LHFPL3: variants seen among roughly 807,000 people sequenced by gnomAD.
LHFPL3 encodes the protein LHFPL tetraspan subfamily member 3 protein.
In LHFPL3, 5 loss-of-function variants were observed where a neutral mutation model predicts 19.3. The observed-to-expected ratio is 0.26, with a 90% confidence interval of 0.14 to 0.54. The LOEUF is 0.54. LHFPL3 is among the 20% of genes least tolerant of loss of function. LHFPL3 has a pLI of 0.94. For missense variants in LHFPL3, 249 were observed against 307.4 expected (o/e 0.81, Z 1.42); for synonymous variants, 133 against 126.2 (o/e 1.05, Z -0.36).
chr7:104,500,163 C>A (rs1793573269), intron 1 of LHFPL3, among the ~76,000 whole-genome samples: 1 of 152,146 alleles, frequency 6.6e-6, no homozygotes, highest in African/African-American at 2.4e-5. Context: ...CAACCCTAAG[C>A]CTTTCGTTTT....
intron 1 of LHFPL3, among the ~76,000 whole-genome samples, chr7:104,338,169 G>T (rs1354641208): frequency 7.8e-6 from 1 of 128,720 alleles, no homozygotes; most frequent in African/African-American, 3.0e-5. Context: ...CGCGATCTCA[G>T]CCCACTGCAA....
chr7:104,620,857 A>C (rs1791431870), intron 1 of LHFPL3, among the ~76,000 whole-genome samples: 1 of 152,186 alleles, frequency 6.6e-6, no homozygotes, highest in Non-Finnish European at 1.5e-5. Context: ...TCTGCAGACA[A>C]AGGTGTCATG....
intron 2 of LHFPL3, among the ~76,000 whole-genome samples, chr7:104,875,167 A>G: frequency 1.3e-5 from 2 of 152,150 alleles, no homozygotes; most frequent in East Asian, 3.8e-4. Context: ...TCTTGCAGAA[A>G]ATAACTTCAC....
Position 104,347,890 on chromosome 7 carries a change from T to TAAA in LHFPL3, c.445+18676_445+18678dup, listed in dbSNP as rs34331956. Among the ~76,000 whole-genome samples, 288 of 146,522 alleles carry TAAA rather than the reference T, an allele frequency of 2.0e-3. 2 individuals are homozygous for TAAA. The highest frequency in any genetic ancestry group is 3.5e-3 in the Admixed American group (52 of 14,804). On this transcript the variant is annotated intron_variant, in intron 1 of 2. Coordinates refer to ENST00000424859, the MANE Select transcript of LHFPL3 (RefSeq NM_199000.3). Reference sequence around the variant, plus strand: ...TGGGCGACAGAGCCAGACTCTGTCTTAAAAAAAAAAAACAAAATAAAAAAC... The same window carrying TAAA: ...TGGGCGACAGAGCCAGACTCTGTCTTAAAAAAAAAAAAAAACAAAATAAAAAAC...
chr7:104,878,077 T>C (rs6950960), intron 2 of LHFPL3, among the ~76,000 whole-genome samples: 87,616 of 151,810 alleles, frequency 0.58, 25,643 homozygotes, highest in African/African-American at 0.66. Flanking sequence ...TCAGGCAATT[T>C]GCCCACCTCG....
intron 1 of LHFPL3, among the ~76,000 whole-genome samples, chr7:104,485,857 G>A (rs1442229749): frequency 1.3e-5 from 2 of 152,066 alleles, no homozygotes; most frequent in African/African-American, 4.8e-5. Context: ...TCCCAACTGT[G>A]AGTGAGAACA....
chr7:104,430,201 C>T (rs1322224781), intron 1 of LHFPL3, among the ~76,000 whole-genome samples: 1 of 150,282 alleles, frequency 6.7e-6, no homozygotes, highest in African/African-American at 2.4e-5. Flanking sequence ...GTAATTGATC[C>T]TTTATCTAGG....
At chr7:104,727,260 T>C (rs1041417286) in intron 1 of LHFPL3, among the ~76,000 whole-genome samples, 1 of 152,238 alleles carries the variant, frequency 6.6e-6, no homozygotes, top group Non-Finnish European at 1.5e-5. Context: ...GCAAAACTTT[T>C]CTCCCATTCT....
intron 1 of LHFPL3, among the ~76,000 whole-genome samples, chr7:104,518,875 CTTTA>C (rs1156581480): frequency 6.7e-6 from 1 of 149,888 alleles, no homozygotes; most frequent in Non-Finnish European, 1.5e-5. Context: ...GATGCAAGAG[CTTTA>C]TTTTAGAATA....
At chr7:104,439,810 T>C (rs545371239) in intron 1 of LHFPL3, among the ~76,000 whole-genome samples, 1 of 152,240 alleles carries the variant, frequency 6.6e-6, no homozygotes, top group East Asian at 1.9e-4. Flanking sequence ...CTTTTACCAT[T>C]TTTATTCAGC....
At chr7:104,494,947 A>G (rs141694693) in intron 1 of LHFPL3, among the ~76,000 whole-genome samples, 109 of 152,092 alleles carry the variant, frequency 7.2e-4, no homozygotes, top group African/African-American at 2.4e-3. Flanking sequence ...TGATCCGACC[A>G]TCCATCCCTT....
At chr7:104,837,365 A>G (rs1333008180) in intron 2 of LHFPL3, among the ~76,000 whole-genome samples, 1 of 152,194 alleles carries the variant, frequency 6.6e-6, no homozygotes, top group Non-Finnish European at 1.5e-5. Flanking sequence ...TTCATTATCA[A>G]TTGAACCAGC....
At chr7:104,610,105 G>A (rs949197555) in intron 1 of LHFPL3, among the ~76,000 whole-genome samples, 1 of 152,114 alleles carries the variant, frequency 6.6e-6, no homozygotes. Flanking sequence ...CCAGTTGGTT[G>A]TGTAGCTATT....
chr7:104,477,555 A>C (rs1009499077), intron 1 of LHFPL3, among the ~76,000 whole-genome samples: 1 of 152,168 alleles, frequency 6.6e-6, no homozygotes, highest in East Asian at 1.9e-4. Flanking sequence ...TCATGAGAAC[A>C]CATGGAAACA....
At chr7:104,675,872 G>A (rs1178733756) in intron 1 of LHFPL3, among the ~76,000 whole-genome samples, 2 of 152,154 alleles carry the variant, frequency 1.3e-5, no homozygotes, top group Admixed American at 6.5e-5. Flanking sequence ...TTACATTTGA[G>A]TTGTCCCTCC....
At chr7:104,549,056 C>A (rs1435416776) in intron 1 of LHFPL3, among the ~76,000 whole-genome samples, 5 of 152,084 alleles carry the variant, frequency 3.3e-5, no homozygotes, top group Non-Finnish European at 7.4e-5. Flanking sequence ...GAAAAGGGAC[C>A]TCTACAGGTT....
At chr7:104,557,586 C>T (rs576128547) in intron 1 of LHFPL3, among the ~76,000 whole-genome samples, 1 of 152,154 alleles carries the variant, frequency 6.6e-6, no homozygotes, top group East Asian at 1.9e-4. Flanking sequence ...GGGAATACAG[C>T]CAAACCATAT....
intron 2 of LHFPL3, among the ~76,000 whole-genome samples, chr7:104,791,137 C>A (rs1466129103): frequency 1.3e-5 from 2 of 152,166 alleles, no homozygotes; most frequent in Non-Finnish European, 2.9e-5. Flanking sequence ...TGAGCTGATT[C>A]CTCTCCAGTA....
chr7:104,725,221 T>G (rs1793567760), intron 1 of LHFPL3, among the ~76,000 whole-genome samples: 1 of 152,122 alleles, frequency 6.6e-6, no homozygotes, highest in African/African-American at 2.4e-5. Flanking sequence ...TTTCCAGAAA[T>G]GAAAGTTCTA....
Sources: gnomAD v4.1 joint callset for allele counts (sites outside exome capture counted in the v4.1 genomes callset) on GRCh38, gnomAD v4.1.1 for gene constraint, MANE v1.5 for transcripts, NCBI Gene and HGNC (gene_info 2026-07-23, HGNC 2026-07-21) for gene names.